Variants in RYK observed in about 807,000 individuals in gnomAD.
RYK encodes the protein inactive tyrosine-protein kinase RYK.
In RYK, 21 loss-of-function variants were observed where a neutral mutation model predicts 70.2. The observed-to-expected ratio is 0.30, with a 90% CI of 0.21 to 0.43. RYK has a LOEUF of 0.43. Ranked by LOEUF, RYK falls within the 20% of genes least tolerant of loss-of-function variation. The pLI is 1.00. For missense variants in RYK, 604 were observed against 753.3 expected (o/e 0.80, Z 2.32); for synonymous variants, 267 against 278.0 (o/e 0.96, Z 0.39).
At chr3:134,229,475 G>GA (rs2015001235) in intron 1 of RYK, among the ~76,000 whole-genome samples, 2 of 147,698 alleles carry the variant, frequency 1.4e-5, no homozygotes, top group African/African-American at 5.0e-5. Flanking sequence ...AAAGCAACCA[G>GA]AAAAAACTGA....
chr3:134,249,919 T>G (rs1172237175), intron 1 of RYK, among the ~76,000 whole-genome samples: 2 of 99,606 alleles, frequency 2.0e-5, no homozygotes, highest in African/African-American at 8.5e-5. Flanking sequence ...TCTCTCTCGT[T>G]TTTTTTTTTT....
At chr3:134,203,105 G>C (rs138199750) in intron 5 of RYK, among the ~76,000 whole-genome samples, 2 of 152,084 alleles carry the variant, frequency 1.3e-5, no homozygotes, top group Admixed American at 1.3e-4. Context: ...CCAGCACTTC[G>C]GGAGGCCAAG....
At chr3:134,183,136 G>A in intron 9 of RYK, 65 bp from the exon 10 acceptor site, 1 of 888,450 alleles carries the variant, frequency 1.1e-6, no homozygotes, top group African/African-American at 1.7e-5. Context: ...AACATTTTCT[G>A]CTATTAGTAA....
intron 2 of RYK, among the ~76,000 whole-genome samples, chr3:134,214,280 T>C (rs2014489623): frequency 6.6e-6 from 1 of 152,112 alleles, no homozygotes; most frequent in South Asian, 2.1e-4. Flanking sequence ...AATGCAAAAA[T>C]GCCATTCTAT....
rs569198709 is a variant in RYK, at chr3:134,172,377, G to A, written c.1575+3232C>T. Among the ~76,000 whole-genome samples the A allele has an allele frequency of 1.1e-3, 166 of 152,248 alleles. 3 individuals carry two copies. The highest frequency in any genetic ancestry group is 3.8e-3 in the African/African-American group (159 of 41,554). On this transcript the variant is annotated intron_variant, in intron 13 of 14. Transcript: ENST00000623711. ...TTTAAAATTATGTTCTACAACCAAAGCCAAACCAATTCCTCCTGTCCCCTT... is the reference window on the plus strand; with the variant it reads ...TTTAAAATTATGTTCTACAACCAAAACCAAACCAATTCCTCCTGTCCCCTT...
At chr3:134,195,345 C>T (rs1205366759) in intron 6 of RYK, 163 bp from the exon 7 acceptor site, 1 of 530,376 alleles carries the variant, frequency 1.9e-6, no homozygotes, top group East Asian at 3.5e-5. Context: ...AATCTAACTC[C>T]TATAGAGCTC....
In RYK at chr3:134,195,154, G is replaced by A. The variant is rs753323111; in HGVS notation, c.817C>T (p.Leu273=). ...GTCGTCTGGGTGGATGGCTGAGACA[G>A]CCCTTGGGAACTACTGCTGGCACTA... ...SISASSSSQG[L]SQPSTQTTQY... is the part of the protein sequence containing the mutation. Residue 273 remains leucine (L), a synonymous_variant, in exon 7 of 15, where the codon CTG becomes TTG. Coordinates refer to ENST00000623711, the MANE Select transcript of RYK (RefSeq NM_002958.4). 1.9e-6 allele frequency: 3 copies of A among 1,612,856 alleles called. No individual in the cohort carries two copies. The highest frequency in any genetic ancestry group is 2.5e-6 in the Non-Finnish European group (3 of 1,179,256).
intron 1 of RYK, among the ~76,000 whole-genome samples, chr3:134,247,785 G>A (rs149773136): frequency 3.2e-3 from 490 of 151,982 alleles, no homozygotes; most frequent in Middle Eastern, 6.9e-3. Context: ...TCATATCAAG[G>A]GTAATTAGTT....
At chr3:134,246,132 C>T (rs528311801) in intron 1 of RYK, among the ~76,000 whole-genome samples, 35 of 151,642 alleles carry the variant, frequency 2.3e-4, no homozygotes, top group African/African-American at 7.7e-4. Context: ...GAAATGGAAA[C>T]AGAAAAAGAT....
intron 13 of RYK, among the ~76,000 whole-genome samples, chr3:134,160,371 C>T (rs1301136664): frequency 6.6e-6 from 1 of 151,906 alleles, no homozygotes; most frequent in Non-Finnish European, 1.5e-5. Context: ...AAGAGAAATA[C>T]CAAACGCAAG....
At chr3:134,246,893 T>C (rs1056743561) in intron 1 of RYK, among the ~76,000 whole-genome samples, 3 of 151,892 alleles carry the variant, frequency 2.0e-5, no homozygotes, top group African/African-American at 7.3e-5. Context: ...TCGTACTATC[T>C]AGATTGGAGC....
At chr3:134,247,112 A>G (rs2015486285) in intron 1 of RYK, among the ~76,000 whole-genome samples, 1 of 152,204 alleles carries the variant, frequency 6.6e-6, no homozygotes, top group Admixed American at 6.5e-5. Context: ...TGGGAAAAAC[A>G]AAAATGTATA....
rs1452045857 is a variant in RYK, at chr3:134,250,482, G to A, written c.173C>T (p.Ala58Val). ...PAPRPPELQS[A>V]SAGPSVSLYL... Reference sequence around the variant, plus strand: ...GAGACTCACGCTGGGCCCCGCGGAAGCCGACTGCAGCTCCGGGGGCCGCGG... The same window carrying A: ...GAGACTCACGCTGGGCCCCGCGGAAACCGACTGCAGCTCCGGGGGCCGCGG... The change falls in exon 1 of 15, where the codon GCT (alanine) becomes GTT (valine). Residue 58 changes from alanine (A) to valine (V), a missense_variant. Transcript: ENST00000623711. 2.2e-5 allele frequency: 29 copies of A among 1,346,838 alleles called. No homozygotes were observed. Among genetic ancestry groups the A allele is most frequent in the Non-Finnish European group, 2.7e-5 (28 of 1,043,972 alleles). 83.4% of individuals were successfully genotyped at this position (1,346,838 alleles called of 1,614,324 possible).
At chr3:134,245,107 C>G (rs148327794) in intron 1 of RYK, among the ~76,000 whole-genome samples, 1 of 152,286 alleles carries the variant, frequency 6.6e-6, no homozygotes, top group East Asian at 1.9e-4. Context: ...GCAGCCTGAG[C>G]AGACTAACAC....
At chr3:134,201,191 C>G (rs1355232364) in intron 6 of RYK, among the ~76,000 whole-genome samples, 5 of 152,222 alleles carry the variant, frequency 3.3e-5, no homozygotes, top group Non-Finnish European at 5.9e-5. Flanking sequence ...AACTTCACCA[C>G]CATCATGTAC....
intron 2 of RYK, among the ~76,000 whole-genome samples, chr3:134,216,466 T>C (rs977800197): frequency 6.6e-5 from 10 of 152,102 alleles, no homozygotes; most frequent in African/African-American, 9.7e-5. Flanking sequence ...TTCTGCTACA[T>C]TCTGGCAAAT....
intron 13 of RYK, among the ~76,000 whole-genome samples, chr3:134,173,596 C>T (rs1171912147): frequency 6.6e-6 from 1 of 152,126 alleles, no homozygotes; most frequent in East Asian, 1.9e-4. Flanking sequence ...ATAAAAGCAT[C>T]AGATCTCGTG....
intron 9 of RYK, among the ~76,000 whole-genome samples, chr3:134,183,749 A>T (rs1052461894): frequency 6.6e-6 from 1 of 152,216 alleles, no homozygotes; most frequent in Non-Finnish European, 1.5e-5. Flanking sequence ...CAATGTAATA[A>T]GAGCACTGTT....
chr3:134,198,360 A>C (rs2013879192), intron 6 of RYK, among the ~76,000 whole-genome samples: 1 of 152,242 alleles, frequency 6.6e-6, no homozygotes, highest in Admixed American at 6.5e-5. Context: ...TCATCCATTC[A>C]TTCCACAAAT....
Sources: gnomAD v4.1 joint callset for allele counts (sites outside exome capture counted in the v4.1 genomes callset) on GRCh38, gnomAD v4.1.1 for gene constraint, MANE v1.5 for transcripts, NCBI Gene and HGNC (gene_info 2026-07-23, HGNC 2026-07-21) for gene names.